The following IGF2BP3 variants were observed in gnomAD, a reference collection of about 807,000 sequenced individuals.
The protein encoded by IGF2BP3 is insulin like growth factor 2 mRNA binding protein 3.
Under a neutral mutation model 73.8 loss-of-function variants are expected in IGF2BP3, and 9 were observed. The ratio of observed to expected loss-of-function variants is 0.12; its 90% CI spans 0.07 to 0.21. The LOEUF is 0.21. IGF2BP3 is among the 10% of genes least tolerant of loss of function. The pLI is 1.00. For synonymous variants in IGF2BP3, 258 were observed against 256.7 expected (o/e 1.01, Z -0.05); for missense variants, 542 against 714.0 (o/e 0.76, Z 2.75).
At chr7:23,366,818 A>AC (rs1785386690) in intron 3 of IGF2BP3, among the ~76,000 whole-genome samples, 1 of 152,018 alleles carries the variant, frequency 6.6e-6, no homozygotes, top group Non-Finnish European at 1.5e-5. Flanking sequence ...AGGATTTCCA[A>AC]CCCCCAAATG....
intron 10 of IGF2BP3, among the ~76,000 whole-genome samples, chr7:23,333,003 T>A (rs920139250): frequency 6.6e-6 from 1 of 152,260 alleles, no homozygotes; most frequent in African/African-American, 2.4e-5. Flanking sequence ...AATGTGTAAC[T>A]TTCCCAGATT....
intron 3 of IGF2BP3, 62 bp from the exon 4 acceptor site, chr7:23,361,803 G>A: frequency 1.4e-6 from 2 of 1,419,518 alleles, no homozygotes; most frequent in Non-Finnish European, 1.9e-6. Flanking sequence ...TCAAGGGCAG[G>A]AATATGTCTT....
intron 1 of IGF2BP3, 121 bp from the exon 2 acceptor site, chr7:23,468,663 C>T (rs1788628252): frequency 1.0e-6 from 1 of 965,328 alleles, no homozygotes; most frequent in Non-Finnish European, 1.6e-6. Flanking sequence ...GCCCCCGAGG[C>T]CCGGACGCGG....
At chr7:23,438,799 C>A (rs1242188158) in intron 2 of IGF2BP3, among the ~76,000 whole-genome samples, 1 of 151,826 alleles carries the variant, frequency 6.6e-6, no homozygotes, top group Non-Finnish European at 1.5e-5. Context: ...AAATTACTTT[C>A]TCAGAAAAGA....
At chr7:23,359,964 A>G (rs150284708) in intron 5 of IGF2BP3, among the ~76,000 whole-genome samples, 1 of 152,198 alleles carries the variant, frequency 6.6e-6, no homozygotes, top group African/African-American at 2.4e-5. Context: ...AAAATTTTAC[A>G]TGAACAAAGG....
At chr7:23,435,078 G>C (rs539639694) in intron 2 of IGF2BP3, among the ~76,000 whole-genome samples, 1 of 151,890 alleles carries the variant, frequency 6.6e-6, no homozygotes, top group South Asian at 2.1e-4. Flanking sequence ...GGTGGATCAC[G>C]AGGTCAGGAG....
chr7:23,342,212 T>A, intron 9 of IGF2BP3, 23 bp from the exon 10 acceptor site: 1 of 1,612,464 alleles, frequency 6.2e-7, no homozygotes, highest in South Asian at 1.1e-5. Context: ...AAAGGCCCCT[T>A]AATTTGACAA....
chr7:23,417,373 C>T (rs772908989), intron 3 of IGF2BP3, among the ~76,000 whole-genome samples: 1 of 152,128 alleles, frequency 6.6e-6, no homozygotes, highest in Non-Finnish European at 1.5e-5. Context: ...TAACTTGACA[C>T]TACCTCAAAG....
At chr7:23,364,335 C>T (rs572645837) in intron 3 of IGF2BP3, among the ~76,000 whole-genome samples, 1 of 151,402 alleles carries the variant, frequency 6.6e-6, no homozygotes, top group African/African-American at 2.4e-5. Context: ...GATCGTGCCA[C>T]TGCAGTCTAG....
At chr7:23,428,682 C>T (rs1043817072) in intron 2 of IGF2BP3, among the ~76,000 whole-genome samples, 2 of 150,560 alleles carry the variant, frequency 1.3e-5, no homozygotes, top group Non-Finnish European at 3.0e-5. Flanking sequence ...GCACTCCAGC[C>T]TCAGCAACAG....
chr7:23,462,914 T>C (rs190353363), intron 2 of IGF2BP3, among the ~76,000 whole-genome samples: 1 of 152,308 alleles, frequency 6.6e-6, no homozygotes, highest in East Asian at 1.9e-4. Context: ...ATGCTTGCCA[T>C]CAGCCTTCAA....
At chr7:23,434,064 T>A (rs887451955) in intron 2 of IGF2BP3, among the ~76,000 whole-genome samples, 1 of 142,820 alleles carries the variant, frequency 7.0e-6, no homozygotes, top group Admixed American at 7.3e-5. Flanking sequence ...GGAGACAGAG[T>A]GAGACTCTGT....
chr7:23,463,933 T>C (rs1007752988), intron 2 of IGF2BP3, among the ~76,000 whole-genome samples: 11 of 152,210 alleles, frequency 7.2e-5, no homozygotes, highest in African/African-American at 2.2e-4. Flanking sequence ...TTATAATTAT[T>C]TAACCAGCCA....
chr7:23,431,625 G>T (rs1045758293), intron 2 of IGF2BP3, among the ~76,000 whole-genome samples: 1 of 151,046 alleles, frequency 6.6e-6, no homozygotes, highest in Non-Finnish European at 1.5e-5. Flanking sequence ...AACTGAACAG[G>T]AGGAAGGAAG....
At chr7:23,323,956 C>T (rs1361728492) in intron 10 of IGF2BP3, among the ~76,000 whole-genome samples, 1 of 151,760 alleles carries the variant, frequency 6.6e-6, no homozygotes, top group African/African-American at 2.4e-5. Flanking sequence ...TAAATGCCCA[C>T]AAGAGAAAGC....
At chr7:23,397,638 G>A (rs527591240) in intron 3 of IGF2BP3, among the ~76,000 whole-genome samples, 1 of 152,114 alleles carries the variant, frequency 6.6e-6, no homozygotes, top group Non-Finnish European at 1.5e-5. Context: ...ATGACAAAAT[G>A]TATTCTGCAT....
intron 2 of IGF2BP3, among the ~76,000 whole-genome samples, chr7:23,420,625 T>G (rs889179361): frequency 6.6e-6 from 1 of 152,228 alleles, no homozygotes; most frequent in Non-Finnish European, 1.5e-5. Context: ...CCTAGTTTAG[T>G]CCTTTGCCTC....
chr7:23,390,679 T>C (rs1274241031), intron 3 of IGF2BP3, among the ~76,000 whole-genome samples: 1 of 152,118 alleles, frequency 6.6e-6, no homozygotes, highest in East Asian at 1.9e-4. Context: ...TCCCTCTTCA[T>C]AGCTTGTGTA....
chr7:23,368,327 AAAAGAAAGAAAGAAAAAAAG>A (rs1436254643), intron 3 of IGF2BP3, among the ~76,000 whole-genome samples: 82 of 124,620 alleles, frequency 6.6e-4, no homozygotes, highest in Non-Finnish European at 1.1e-3. Context: ...AGAGAGAAAG[AAAAGAAAGAAAGAAAAAAAG>A]AAAGAAAGAA....
Sources: gnomAD v4.1 joint callset for allele counts (sites outside exome capture counted in the v4.1 genomes callset) on GRCh38, gnomAD v4.1.1 for gene constraint, MANE v1.5 for transcripts, NCBI Gene and HGNC (gene_info 2026-07-23, HGNC 2026-07-21) for gene names.